The following KIZ variants were observed in gnomAD, a reference collection of about 807,000 sequenced individuals.
KIZ encodes the protein kizuna centrosomal protein.
In KIZ, 68 loss-of-function variants were observed where a neutral mutation model predicts 79.6. That is an observed-to-expected ratio of 0.85 (90% CI 0.70 to 1.05). The LOEUF (loss-of-function observed/expected upper bound fraction) is 1.05, where lower values mean the gene tolerates loss of function less well. KIZ is among the 50% of genes least tolerant of loss of function. The pLI is 0.00. For synonymous variants in KIZ, 280 were observed against 281.8 expected (o/e 0.99, Z 0.06); for missense variants, 797 against 800.4 (o/e 1.00, Z 0.05).
Position 21,132,155 on chromosome 20 carries a change from T to TG in KIZ, c.149dup (p.Cys50TrpfsTer4). ...TTATGAATATAATCAGTCTGATACA[T>TG]GCAGGTAAGAGACGACAGTGGGAAC... On this transcript the variant is annotated frameshift_variant, in exon 2 of 13. Transcript: ENST00000619189. LOFTEE classifies it high-confidence loss of function. The TG allele has an allele frequency of 6.9e-7, 1 of 1,455,528 alleles. No individual in the cohort carries two copies. Among genetic ancestry groups the TG allele is most frequent in the South Asian group, 1.3e-5 (1 of 77,434 alleles). The allele number at this position is 1,455,528 out of a possible 1,614,324, so 90.2% of individuals were successfully genotyped here.
At chr20:21,220,117 A>G (rs989576530) in intron 9 of KIZ, among the ~76,000 whole-genome samples, 1 of 149,840 alleles carries the variant, frequency 6.7e-6, no homozygotes, top group Admixed American at 6.7e-5. Context: ...GTATTGATAC[A>G]ATATATATTA....
chr20:21,211,153 A>G (rs1448211807), intron 7 of KIZ, among the ~76,000 whole-genome samples: 3 of 152,220 alleles, frequency 2.0e-5, no homozygotes, highest in East Asian at 3.8e-4. Flanking sequence ...GTCAGCTTAG[A>G]TGATTCTTGG....
intron 5 of KIZ, 60 bp downstream of exon 5, chr20:21,162,567 G>GAT: frequency 8.0e-7 from 1 of 1,251,600 alleles, no homozygotes; most frequent in Non-Finnish European, 1.1e-6. Context: ...TCTTATGTAA[G>GAT]GACAAAATAT....
chr20:21,163,220 C>A, intron 6 of KIZ, 61 bp downstream of exon 6: 2 of 1,111,316 alleles, frequency 1.8e-6, no homozygotes, highest in Non-Finnish European at 2.6e-6. Flanking sequence ...TTTCTAGAGA[C>A]CATTCCACTG....
intron 6 of KIZ, among the ~76,000 whole-genome samples, chr20:21,200,643 A>G (rs2035557152): frequency 6.6e-6 from 1 of 151,938 alleles, no homozygotes; most frequent in Non-Finnish European, 1.5e-5. Context: ...GCTCCCCCTG[A>G]TCTGACAGGA....
chr20:21,144,826 A>C (rs1467259486), intron 3 of KIZ, among the ~76,000 whole-genome samples: 1 of 152,148 alleles, frequency 6.6e-6, no homozygotes. Context: ...ATGTTCTGAT[A>C]CTTATCTTTG....
At chr20:21,173,097 T>C (rs2034284036) in intron 6 of KIZ, among the ~76,000 whole-genome samples, 1 of 152,172 alleles carries the variant, frequency 6.6e-6, no homozygotes, top group African/African-American at 2.4e-5. Flanking sequence ...TGGGTTGAAC[T>C]TCAATTGAAA....
intron 2 of KIZ, among the ~76,000 whole-genome samples, chr20:21,134,985 T>C (rs1197804269): frequency 2.6e-5 from 4 of 152,192 alleles, no homozygotes; most frequent in Non-Finnish European, 5.9e-5. Context: ...AGGTCTTAGC[T>C]GAAAGTTATT....
chr20:21,162,403 A>G lies in KIZ; in HGVS notation c.938A>G (p.Glu313Gly). 6.2e-7 allele frequency: 1 copy of G among 1,613,432 alleles called. No homozygotes were observed. The highest frequency in any genetic ancestry group is 8.5e-7 in the Non-Finnish European group (1 of 1,179,510). The change falls in exon 5 of 13, where the codon GAA becomes GGA. Residue 313 changes from glutamate (E) to glycine (G), a missense_variant. Physicochemically the swap from Glu to Gly is moderately conservative, Grantham distance 98. Coordinates refer to ENST00000619189, the MANE Select transcript of KIZ (RefSeq NM_018474.6). The stretch of plus-strand genomic sequence containing the variant: ...ACACGGGAACATATTGAAGTTGAGG[A>G]AAAAAGAGCCAGCCCGCCAGTCTCT... ...ILTREHIEVE[E>G]KRASPPVSPI...
chr20:21,185,785 C>T (rs935085836), intron 6 of KIZ, among the ~76,000 whole-genome samples: 1 of 151,246 alleles, frequency 6.6e-6, no homozygotes, highest in Admixed American at 6.6e-5. Flanking sequence ...CATCCTGGCT[C>T]ACCACAGCCT....
intron 6 of KIZ, among the ~76,000 whole-genome samples, chr20:21,182,549 A>G (rs1442338812): frequency 6.6e-6 from 1 of 152,158 alleles, no homozygotes; most frequent in African/African-American, 2.4e-5. Context: ...TAATCCTAGC[A>G]CTTTGGGAAG....
intron 9 of KIZ, among the ~76,000 whole-genome samples, chr20:21,219,204 A>G (rs1040060431): frequency 6.6e-6 from 1 of 151,432 alleles, no homozygotes; most frequent in Non-Finnish European, 1.5e-5. Flanking sequence ...ATCGAGCTTA[A>G]TTATAGAGCG....
intron 9 of KIZ, among the ~76,000 whole-genome samples, chr20:21,220,485 T>C (rs2036467465): frequency 6.6e-6 from 1 of 152,050 alleles, no homozygotes. Context: ...TTTTTTATTA[T>C]TTATTTATTT....
At position 21,205,400 on chromosome 20, in the gene KIZ, C is replaced by T. The variant is rs541766977; in HGVS notation, c.1353-91C>T. On this transcript the variant is annotated intron_variant, in intron 6 of 12. Transcript: ENST00000619189. ...TTGAGTTCCAGACTTCTGGATAAAC[C>T]ATCTTCTACTAACGTAATTGAGGCC... 6 of 554,694 alleles carry T rather than the reference C, an allele frequency of 1.1e-5. No homozygotes were observed. In the South Asian group the frequency reaches 1.4e-4, roughly 13 times the overall value. 34.4% of individuals were successfully genotyped at this position (554,694 alleles called of 1,614,324 possible).
intron 9 of KIZ, among the ~76,000 whole-genome samples, chr20:21,224,883 T>C (rs1448206807): frequency 1.3e-5 from 2 of 152,208 alleles, no homozygotes; most frequent in African/African-American, 2.4e-5. Flanking sequence ...AGGCTTTTTC[T>C]TTCTCCTCTC....
chr20:21,178,831 A>G (rs571764739), intron 6 of KIZ, among the ~76,000 whole-genome samples: 5 of 152,182 alleles, frequency 3.3e-5, no homozygotes, highest in Non-Finnish European at 7.4e-5. Flanking sequence ...TAAGATGGTC[A>G]TGTGATTTTT....
At chr20:21,172,904 A>G (rs1195643263) in intron 6 of KIZ, among the ~76,000 whole-genome samples, 1 of 152,192 alleles carries the variant, frequency 6.6e-6, no homozygotes, top group Admixed American at 6.5e-5. Context: ...GAGAAAGAGC[A>G]TGCTAGGCAA....
chr20:21,203,002 A>C (rs773779810), intron 6 of KIZ, among the ~76,000 whole-genome samples: 3 of 152,184 alleles, frequency 2.0e-5, no homozygotes, highest in African/African-American at 7.2e-5. Flanking sequence ...ATACTTATAC[A>C]TCTAACATAT....
chr20:21,234,823 A>G (rs2036952704), intron 11 of KIZ, among the ~76,000 whole-genome samples: 1 of 151,988 alleles, frequency 6.6e-6, no homozygotes. Flanking sequence ...TAGAGACAAT[A>G]ATTATGATGT....
Sources: gnomAD v4.1 joint callset for allele counts (sites outside exome capture counted in the v4.1 genomes callset) on GRCh38, gnomAD v4.1.1 for gene constraint, MANE v1.5 for transcripts, NCBI Gene and HGNC (gene_info 2026-07-23, HGNC 2026-07-21) for gene names.